Variants in SEMA6B observed in about 807,000 individuals in gnomAD.
SEMA6B encodes semaphorin-6B.
In SEMA6B, 47 loss-of-function variants were observed where a neutral mutation model predicts 78.6. That is an observed-to-expected ratio of 0.60 (90% CI 0.47 to 0.76). SEMA6B has a LOEUF of 0.76. Ranked by LOEUF, SEMA6B falls within the 30% of genes least tolerant of loss-of-function variation. The probability of loss-of-function intolerance (pLI) is 0.00; values close to 1 mark genes in which losing one functional copy is unlikely to be tolerated. For missense variants in SEMA6B, 1,213 were observed against 1,269.9 expected, an observed-to-expected ratio of 0.96 and a Z score of 0.68; for synonymous variants, 632 against 592.2, an observed-to-expected ratio of 1.07 and a Z score of -0.98.
chr19:4,544,404 C>T lies in SEMA6B; in HGVS notation c.1864G>A (p.Val622Met), dbSNP rs1168117415. 6.2e-7 allele frequency: 1 copy of T among 1,602,764 alleles called. No individual in the cohort carries two copies. The highest frequency in any genetic ancestry group is 2.3e-5 in the East Asian group (1 of 44,098). ...VVSGFSVGWF[V>M]GLRERRELAR... ...AGCTCCCGCCGCTCACGGAGGCCCA[C>T]GAACCAGCCCACGCTGAAGCCGGAC... Residue 622 changes from valine to methionine, a missense_variant, in exon 17 of 17, where the codon GTG (valine) becomes ATG (methionine). Coordinates refer to ENST00000586582, the MANE Select transcript of SEMA6B (RefSeq NM_032108.4). The surrounding 1 kb of genome is among the most constrained non-coding windows in gnomAD (Gnocchi z 5.1).
rs1371505871 is a variant in SEMA6B, at chr19:4,544,351, G to A, written c.1917C>T (p.Ile639=). 2 of 1,559,090 alleles carry A rather than the reference G, an allele frequency of 1.3e-6. No homozygotes were observed. Among genetic ancestry groups the A allele is most frequent in the Non-Finnish European group, 1.7e-6 (2 of 1,157,066 alleles). The change falls in exon 17 of 17, where the codon ATC becomes ATT. Residue 639 remains isoleucine (I), a synonymous_variant. Coordinates refer to ENST00000586582, the MANE Select transcript of SEMA6B (RefSeq NM_032108.4). This position sits in a 1 kb window ranked among gnomAD's most constrained non-coding sequence, Gnocchi z 5.1. The part of the protein sequence containing the change: ...ELARRKDKEA[I]LAHGAGEAVL... ...CCGCCTCGCCCGCCCCGTGCGCCAG[G>A]ATGGCCTCCTTGTCCTTGCGCCGGG...
chr19:4,554,987 T>C lies in SEMA6B; in HGVS notation c.671A>G (p.Lys224Arg), dbSNP rs544715348. The change falls in exon 8 of 17, where the codon AAG (lysine) becomes AGG (arginine). Residue 224 changes from lysine (K) to arginine (R), a missense_variant. Physicochemically the swap from Lys to Arg is conservative, Grantham distance 26. Coordinates refer to ENST00000586582, the MANE Select transcript of SEMA6B (RefSeq NM_032108.4). Reference protein sequence around the residue: ...PTLRTVKHDSKWFKEPYFVHA... With the variant: ...PTLRTVKHDSRWFKEPYFVHA... ...CTTCCTGGTCTCACCTTTGAACCAC[T>C]TGGAGTCATGTTTCACGGTGCGCAG... The C allele has an allele frequency of 2.5e-6, 4 of 1,614,018 alleles. No homozygotes were observed. The highest frequency in any genetic ancestry group is 1.1e-5 in the South Asian group (1 of 91,080).
rs781437207 is a variant in SEMA6B at position 4,552,584 on chromosome 19, C to CG, written c.826dup (p.Arg276ProfsTer65). 6.2e-7 allele frequency: 1 copy of CG among 1,612,622 alleles called. No individual in the cohort carries two copies. On this transcript the variant is annotated frameshift_variant, in exon 10 of 17. Coordinates refer to ENST00000586582, the MANE Select transcript of SEMA6B (RefSeq NM_032108.4). LOFTEE classifies it high-confidence loss of function. The surrounding 1 kb of genome is among the most constrained non-coding windows in gnomAD (Gnocchi z 7.4). Reference sequence around the variant, plus strand: ...GGACGTCCACTGCTTCTCCAGCACGCGGGGGGAGCCTCCCACGTCGTTCTT... The same window carrying CG: ...GGACGTCCACTGCTTCTCCAGCACGCGGGGGGGAGCCTCCCACGTCGTTCTT...
chr19:4,556,231 G>C (rs915801650), intron 5 of SEMA6B, 142 bp from the exon 6 acceptor site: 2 of 654,054 alleles, frequency 3.1e-6, no homozygotes, highest in Non-Finnish European at 5.6e-6. Context: ...AGGACTGGCT[G>C]GGGACACGGT....
At chr19:4,549,295 AC>A (rs1977254737) in intron 12 of SEMA6B, among the ~76,000 whole-genome samples, 1 of 107,688 alleles carries the variant, frequency 9.3e-6, no homozygotes, top group East Asian at 3.2e-4. Context: ...CTGTCTGTCT[AC>A]CTCTTTTTTT....
At position 4,552,219 on chromosome 19, in the gene SEMA6B, A is replaced by C. The variant is rs1452715217; in HGVS notation, c.989+203T>G. On this transcript the variant is annotated intron_variant, in intron 10 of 16. Transcript: ENST00000586582. This position sits in a 1 kb window ranked among gnomAD's most constrained non-coding sequence, Gnocchi z 7.4. The stretch of plus-strand genomic sequence containing the variant: ...CTCTCCCCAAAGGCAGAGGATGAGG[A>C]TATCTTTGGCCCAGTTCTGACCAAA... Among the ~76,000 whole-genome samples the C allele has an allele frequency of 2.6e-5, 4 of 152,142 alleles. No individual in the cohort carries two copies. The highest frequency in any genetic ancestry group is 5.9e-5 in the Non-Finnish European group (4 of 68,022).
At chr19:4,546,131 G>A in intron 16 of SEMA6B, 85 bp downstream of exon 16, 1 of 1,350,204 alleles carries the variant, frequency 7.4e-7, no homozygotes, top group East Asian at 2.5e-5. Flanking sequence ...CCTCCCAGAG[G>A]ATTCGAGGGT....
chr19:4,550,095 C>CG lies in SEMA6B; in HGVS notation c.1271+27dup, dbSNP rs752600015. 1.2e-6 allele frequency: 2 copies of CG among 1,610,502 alleles called. No homozygotes were observed. Among genetic ancestry groups the CG allele is most frequent in the South Asian group, 2.2e-5 (2 of 90,882 alleles). ...CCATCTACCCCATCCTGTCTCCCCT[C>CG]GCCATGCCCTGCCTCTCCAGGACCG... On this transcript the variant is annotated intron_variant, in intron 12 of 16. Transcript: ENST00000586582. This position sits in a 1 kb window ranked among gnomAD's most constrained non-coding sequence, Gnocchi z 6.6.
At chr19:4,549,544 T>G (rs1407538457) in intron 12 of SEMA6B, among the ~76,000 whole-genome samples, 2 of 152,124 alleles carry the variant, frequency 1.3e-5, no homozygotes, top group Non-Finnish European at 2.9e-5. Flanking sequence ...AGTGGCGTGA[T>G]CTTGGCTCAC....
In SEMA6B at chr19:4,550,232, A is replaced by C. The variant is rs202209532; in HGVS notation, c.1162T>G (p.Ser388Ala). 6.3e-7 allele frequency: 1 copy of C among 1,581,422 alleles called. No individual in the cohort carries two copies. The highest frequency in any genetic ancestry group is 1.4e-5 in the African/African-American group (1 of 73,262). The change falls in exon 12 of 17, where the codon TCC becomes GCC. Residue 388 changes from serine to alanine, a missense_variant. Transcript: ENST00000586582. The surrounding 1 kb of genome is among the most constrained non-coding windows in gnomAD (Gnocchi z 6.6). ...CAAPGMQYNA[S>A]SALPDDILNF... ...AGGATGTCATCCGGCAAGGCGCTGG[A>C]GGCATTGTACTGCATCCCGGGGGCT...
At position 4,548,339 on chromosome 19, in the gene SEMA6B, G is replaced by A. The variant is rs751649729; in HGVS notation, c.1378C>T (p.Arg460Trp). 8.1e-6 allele frequency: 13 copies of A among 1,613,780 alleles called. No homozygotes were observed. In the East Asian group the frequency reaches 1.1e-4, roughly 14 times the overall value. Residue 460 changes from arginine (R) to tryptophan (W), a missense_variant, in exon 13 of 17, where the codon CGG (arginine) becomes TGG (tryptophan). Transcript: ENST00000586582. ...GTCCCTGAGGTGCTGGCATTGGGCC[G>A]GACGAGGAACTTGAGGACCGTCCCC... ...EAGTVLKFLV[R>W]PNASTSGTSG...
At position 4,546,282 on chromosome 19, in the gene SEMA6B, G is replaced by A. The variant is rs752432432; in HGVS notation, c.1680-8C>T. The A allele has an allele frequency of 5.7e-5, 92 of 1,613,338 alleles. 1 individual carries two copies. In the East Asian group the frequency reaches 1.9e-3, roughly 34 times the overall value. ...TCCTGCTCAAAGGCGGCTCTAATGG[G>A]GAGAGGAGGCACCGTCAGCAGAGGC... On this transcript the variant is annotated splice_polypyrimidine_tract_variant and splice_region_variant and intron_variant, in intron 15 of 16. Transcript: ENST00000586582.
rs763659567 is a variant in SEMA6B, at chr19:4,548,302, C to T, written c.1415G>A (p.Ser472Asn). Reference protein sequence around the residue: ...NASTSGTSGLSVFLEEFETYR... With the variant: ...NASTSGTSGLNVFLEEFETYR... ...GGTCTCAAACTCCTCCAGGAAGACACTGAGCCCAGACGTCCCTGAGGTGCT... is the reference window on the plus strand; with the variant it reads ...GGTCTCAAACTCCTCCAGGAAGACATTGAGCCCAGACGTCCCTGAGGTGCT... Residue 472 changes from serine (S) to asparagine (N), a missense_variant, in exon 13 of 17, where the codon AGT (serine) becomes AAT (asparagine). Ser to Asn is a conservative substitution (Grantham distance 46). Coordinates refer to ENST00000586582, the MANE Select transcript of SEMA6B (RefSeq NM_032108.4). 2 of 1,613,656 alleles carry T rather than the reference C, an allele frequency of 1.2e-6. No individual in the cohort carries two copies. The highest frequency in any genetic ancestry group is 2.7e-5 in the African/African-American group (2 of 74,942).
rs1977060492 is a variant in SEMA6B, at chr19:4,543,054, C to G, written c.*547G>C. ...CTGCACGCGTGGCCCACTTGACACA[C>G]ACGCCCACAGCAGCCTTCGCTGGCA... On this transcript the variant is annotated 3_prime_UTR_variant, in exon 17 of 17. Transcript: ENST00000586582. 4.6e-6 allele frequency: 3 copies of G among 658,374 alleles called. No homozygotes were observed. Among genetic ancestry groups the G allele is most frequent in the Non-Finnish European group, 8.3e-6 (3 of 360,116 alleles). The allele number at this position is 658,374 out of a possible 1,614,324, so 40.8% of individuals were successfully genotyped here. A position where few individuals can be genotyped will look rare whatever the true frequency, so the allele number is the denominator to read the frequency against.
chr19:4,548,496 C>T lies in SEMA6B; in HGVS notation c.1272-51G>A, dbSNP rs1180975185. ...AGGCTGGCCCCATATCACCACATGCCACCAACACGGGCATGGCCATAGTTA... is the reference window on the plus strand; with the variant it reads ...AGGCTGGCCCCATATCACCACATGCTACCAACACGGGCATGGCCATAGTTA... On this transcript the variant is annotated intron_variant, in intron 12 of 16. Transcript: ENST00000586582. 2.6e-6 allele frequency: 4 copies of T among 1,548,084 alleles called. No individual in the cohort carries two copies. The East Asian group carries it at 6.8e-5, about 26-fold the overall frequency.
At chr19:4,546,349 C>T (rs765352015) in intron 15 of SEMA6B, 43 bp downstream of exon 15, 39 of 1,588,420 alleles carry the variant, frequency 2.5e-5, no homozygotes, top group Admixed American at 1.9e-4. Flanking sequence ...GGATCATGGG[C>T]GGGTCTGACA....
At position 4,558,050 on chromosome 19, in the gene SEMA6B, T is replaced by C. The variant is rs1371384913; in HGVS notation, c.221A>G (p.Asn74Ser). 4.0e-6 allele frequency: 6 copies of C among 1,507,816 alleles called. No individual in the cohort carries two copies. The highest frequency in any genetic ancestry group is 4.5e-6 in the Non-Finnish European group (5 of 1,118,284). The allele number at this position is 1,507,816 out of a possible 1,614,324, so 93.4% of individuals were successfully genotyped here. ...CCTGTCCCCAATGAACAGCGTCCTG[T>C]TGACCCGCAGGACTCGCTGGATGTT... ...DLNIQRVLRV[N>S]RTLFIGDRDN... The change falls in exon 3 of 17, where the codon AAC (asparagine) becomes AGC (serine). Residue 74 changes from asparagine (N) to serine (S), a missense_variant. By Grantham distance (46) the Asn-to-Ser change is conservative. Coordinates refer to ENST00000586582, the MANE Select transcript of SEMA6B (RefSeq NM_032108.4). This position sits in a 1 kb window ranked among gnomAD's most constrained non-coding sequence, Gnocchi z 5.1.
At position 4,555,142 on chromosome 19, in the gene SEMA6B, G is replaced by T; in HGVS notation, c.563-47C>A. The T allele has an allele frequency of 6.2e-7, 1 of 1,607,358 alleles. No homozygotes were observed. The highest frequency in any genetic ancestry group is 8.5e-7 in the Non-Finnish European group (1 of 1,176,378). ...GGCAGGCAAGAGATGAGACCGCAGAGGCCAGGGGCTGGGTGGGTCGAAACT... is the reference window on the plus strand; with the variant it reads ...GGCAGGCAAGAGATGAGACCGCAGATGCCAGGGGCTGGGTGGGTCGAAACT... On this transcript the variant is annotated intron_variant, in intron 7 of 16. Coordinates refer to ENST00000586582, the MANE Select transcript of SEMA6B (RefSeq NM_032108.4). The surrounding 1 kb of genome is among the most constrained non-coding windows in gnomAD (Gnocchi z 6.1).
In SEMA6B at chr19:4,543,894, G is replaced by C. The variant is rs1000923239; in HGVS notation, c.2374C>G (p.His792Asp). Residue 792 changes from histidine to aspartate, a missense_variant, in exon 17 of 17, where the codon CAC becomes GAC. Physicochemically the swap from His to Asp is moderately conservative, Grantham distance 81. Coordinates refer to ENST00000586582, the MANE Select transcript of SEMA6B (RefSeq NM_032108.4). ...ACCCGCCGGCGGTCCGGGCTGGCGT[G>C]GGGGGTGAGCGGGAAGTCGCCGTGG... ...ASHGDFPLTP[H>D]ASPDRRRVVS... The C allele has an allele frequency of 1.7e-6, 2 of 1,204,308 alleles. No homozygotes were observed. The highest frequency in any genetic ancestry group is 4.1e-5 in the South Asian group (1 of 24,124). The allele number at this position is 1,204,308 out of a possible 1,614,324, so 74.6% of individuals were successfully genotyped here.
Sources: allele counts gnomAD v4.1 joint callset (sites outside exome capture counted in the v4.1 genomes callset), GRCh38; gene constraint gnomAD v4.1.1; non-coding constraint Gnocchi (gnomAD v3.1); transcripts MANE v1.5; gene names NCBI Gene and HGNC (gene_info 2026-07-23, HGNC 2026-07-21).